The following ZC3H12B variants were observed in gnomAD, a reference collection of about 807,000 sequenced individuals.
The protein encoded by ZC3H12B is zinc finger CCCH-type containing 12B.
In ZC3H12B, 7 loss-of-function variants were observed where a neutral mutation model predicts 43.9. That is an observed-to-expected ratio of 0.16 (90% CI 0.09 to 0.30). The LOEUF (loss-of-function observed/expected upper bound fraction) is 0.30, where lower values mean the gene tolerates loss of function less well. Among genes scored for constraint, ZC3H12B ranks in the 10% least tolerant of loss-of-function variants. ZC3H12B has a pLI of 1.00. For missense variants in ZC3H12B, 475 were observed against 670.2 expected, an observed-to-expected ratio of 0.71 and a Z score of 3.22; for synonymous variants, 222 against 241.7, an observed-to-expected ratio of 0.92 and a Z score of 0.76.
At chrX:65,079,754 G>T in the ZC3H12B span, among the ~76,000 whole-genome samples, 23 of 111,503 alleles carry the variant, frequency 2.1e-4, no homozygotes, top group Non-Finnish European at 3.4e-4. Flanking sequence ...AGAAGGAAAA[G>T]AACAAACAAG....
At chrX:65,394,567 G>T (rs2066670720) in intron 2 of ZC3H12B, among the ~76,000 whole-genome samples, 1 of 111,928 alleles carries the variant, frequency 8.9e-6, no homozygotes, top group Non-Finnish European at 1.9e-5. Context: ...CTACATATCT[G>T]ATTTGGTACC....
intron 2 of ZC3H12B, among the ~76,000 whole-genome samples, chrX:65,373,935 A>G (rs1489263455): frequency 2.4e-5 from 1 of 41,400 alleles, no homozygotes; most frequent in Non-Finnish European, 3.4e-5. Context: ...TATATATAGT[A>G]TATATATATA....
the ZC3H12B span, among the ~76,000 whole-genome samples, chrX:65,190,777 G>A: frequency 1.9e-5 from 2 of 105,052 alleles, no homozygotes; most frequent in East Asian, 6.0e-4. Flanking sequence ...TTTCCTAATT[G>A]AATACCCTTT....
intron 3 of ZC3H12B, among the ~76,000 whole-genome samples, chrX:65,472,391 GT>G (rs201239405): frequency 0.011 from 975 of 86,834 alleles, 18 homozygotes; most frequent in African/African-American, 0.087. Flanking sequence ...TGTTTTTTTT[GT>G]TTTTTTTGTT....
At chrX:65,067,634 A>C in the ZC3H12B span, among the ~76,000 whole-genome samples, 5 of 103,722 alleles carry the variant, frequency 4.8e-5, no homozygotes, top group Non-Finnish European at 1.0e-4. Context: ...TTGTATTTTC[A>C]CTCTTTCTCT....
At chrX:65,042,621 T>C in the ZC3H12B span, among the ~76,000 whole-genome samples, 8 of 112,272 alleles carry the variant, frequency 7.1e-5, no homozygotes, top group Non-Finnish European at 1.5e-4. Context: ...ATGCTTTGTG[T>C]AAGATGTCCA....
At chrX:65,162,694 T>G in the ZC3H12B span, among the ~76,000 whole-genome samples, 1 of 111,976 alleles carries the variant, frequency 8.9e-6, no homozygotes, top group African/African-American at 3.2e-5. Context: ...GTTTTTAACT[T>G]CTTTGCCTTT....
the ZC3H12B span, among the ~76,000 whole-genome samples, chrX:65,253,506 AG>A: frequency 8.9e-6 from 1 of 112,280 alleles, no homozygotes; most frequent in South Asian, 3.7e-4. Context: ...AAGCACAGCC[AG>A]GGGCTCCCAT....
At chrX:65,364,579 A>G (rs1419554844), upstream of ZC3H12B, among the ~76,000 whole-genome samples, 1 of 110,604 alleles carries the variant, frequency 9.0e-6, no homozygotes, top group Non-Finnish European at 1.9e-5. Flanking sequence ...ACTTCCACCT[A>G]TCAGTCTCTT....
At chrX:65,358,479 CA>C in the ZC3H12B span, among the ~76,000 whole-genome samples, 3 of 111,592 alleles carry the variant, frequency 2.7e-5, no homozygotes, top group Non-Finnish European at 5.6e-5. Context: ...TCATAAAAAA[CA>C]GTCTCTCGGA....
chrX:65,048,334 T>A, the ZC3H12B span, among the ~76,000 whole-genome samples: 1 of 111,685 alleles, frequency 9.0e-6, no homozygotes, highest in Admixed American at 9.5e-5. Flanking sequence ...TTTAGGTTGT[T>A]TACACGTCCT....
intron 2 of ZC3H12B, among the ~76,000 whole-genome samples, chrX:65,387,193 G>A (rs757425729): frequency 9.0e-6 from 1 of 111,591 alleles, no homozygotes; most frequent in Non-Finnish European, 1.9e-5. Context: ...CCAATTCCTG[G>A]ATATCCCTGT....
intron 3 of ZC3H12B, among the ~76,000 whole-genome samples, chrX:65,466,150 C>G (rs895608169): frequency 1.8e-5 from 2 of 110,448 alleles, no homozygotes; most frequent in Non-Finnish European, 3.8e-5. Context: ...TGACAGACAT[C>G]CTCCCACATC....
intron 3 of ZC3H12B, among the ~76,000 whole-genome samples, chrX:65,405,176 T>C (rs893914860): frequency 5.3e-5 from 6 of 112,245 alleles, no homozygotes; most frequent in Admixed American, 9.4e-5. Context: ...CCAAAATCTA[T>C]GGGATACAGC....
the ZC3H12B span, among the ~76,000 whole-genome samples, chrX:65,193,593 G>T: frequency 9.0e-6 from 1 of 110,890 alleles, no homozygotes. Flanking sequence ...TCCTGTCATC[G>T]ATCTTTTGTG....
chrX:65,188,315 C>G, the ZC3H12B span, among the ~76,000 whole-genome samples: 2 of 107,112 alleles, frequency 1.9e-5, no homozygotes, highest in Non-Finnish European at 3.8e-5. Flanking sequence ...TTTCTTTGGT[C>G]TATATACCTA....
the ZC3H12B span, among the ~76,000 whole-genome samples, chrX:65,346,297 G>C: frequency 9.3e-6 from 1 of 107,056 alleles, no homozygotes; most frequent in Non-Finnish European, 1.9e-5. Context: ...TAATGGAACA[G>C]AATACATAAA....
chrX:65,121,051 C>G, the ZC3H12B span, among the ~76,000 whole-genome samples: 5 of 111,027 alleles, frequency 4.5e-5, no homozygotes, highest in Non-Finnish European at 9.4e-5. Flanking sequence ...ATTCTTTTTG[C>G]CAGTATTTTA....
the ZC3H12B span, among the ~76,000 whole-genome samples, chrX:65,241,188 C>T: frequency 2.1e-4 from 24 of 112,828 alleles, no homozygotes; most frequent in Admixed American, 5.6e-4. Context: ...GTCAGCCACC[C>T]CTCCTCCTGG....
Sources: gnomAD v4.1 joint callset for allele counts (sites outside exome capture counted in the v4.1 genomes callset) on GRCh38, gnomAD v4.1.1 for gene constraint, MANE v1.5 for transcripts, NCBI Gene and HGNC (gene_info 2026-07-23, HGNC 2026-07-21) for gene names.